The following LDLRAD3 variants were observed in gnomAD, a reference collection of about 807,000 sequenced individuals.
LDLRAD3 encodes the protein low-density lipoprotein receptor class A domain-containing protein 3.
Under a neutral mutation model 29.4 loss-of-function variants are expected in LDLRAD3, and 20 were observed. The ratio of observed to expected loss-of-function variants is 0.68; its 90% CI spans 0.48 to 0.99. LDLRAD3 has a LOEUF of 0.99. LDLRAD3 is among the 50% of genes least tolerant of loss of function. LDLRAD3 has a pLI of 0.00. For missense variants in LDLRAD3, 420 were observed against 454.3 expected (o/e 0.92, Z 0.69); for synonymous variants, 157 against 192.7 (o/e 0.81, Z 1.53).
intron 3 of LDLRAD3, among the ~76,000 whole-genome samples, chr11:36,088,746 G>T (rs188345708): frequency 6.6e-6 from 1 of 152,134 alleles, no homozygotes; most frequent in African/African-American, 2.4e-5. Flanking sequence ...AAGCTGCATC[G>T]TCAAGGTCTC....
intron 4 of LDLRAD3, among the ~76,000 whole-genome samples, chr11:36,225,445 G>T (rs1318498567): frequency 6.6e-6 from 1 of 152,192 alleles, no homozygotes; most frequent in Non-Finnish European, 1.5e-5. Flanking sequence ...GGTGCTTGAA[G>T]TATGGCTCCT....
intron 4 of LDLRAD3, among the ~76,000 whole-genome samples, chr11:36,209,585 A>C (rs1016497168): frequency 1.2e-4 from 18 of 151,928 alleles, no homozygotes; most frequent in African/African-American, 4.3e-4. Context: ...GTCTCGAACT[A>C]CTGACCTCGT....
At chr11:36,223,142 A>G (rs1855451997) in intron 4 of LDLRAD3, among the ~76,000 whole-genome samples, 1 of 152,196 alleles carries the variant, frequency 6.6e-6, no homozygotes, top group Admixed American at 6.5e-5. Context: ...ATGACATTTT[A>G]CACACAGCAA....
intron 4 of LDLRAD3, among the ~76,000 whole-genome samples, chr11:36,132,807 A>T (rs556504860): frequency 6.6e-6 from 1 of 152,344 alleles, no homozygotes; most frequent in Non-Finnish European, 1.5e-5. Flanking sequence ...ACTCATAAGT[A>T]ACGTACTCAT....
At chr11:36,105,405 T>C (rs925385959) in intron 4 of LDLRAD3, among the ~76,000 whole-genome samples, 15 of 152,118 alleles carry the variant, frequency 9.9e-5, no homozygotes, top group African/African-American at 3.1e-4. Context: ...GAAGTGGTCT[T>C]GGCCCCTTGT....
intron 4 of LDLRAD3, among the ~76,000 whole-genome samples, chr11:36,207,118 A>G (rs1855221889): frequency 6.6e-6 from 1 of 152,092 alleles, no homozygotes; most frequent in Non-Finnish European, 1.5e-5. Context: ...TCTCATCTGA[A>G]GTTTCAACTA....
chr11:35,964,084 A>G (rs1025298625), intron 1 of LDLRAD3, among the ~76,000 whole-genome samples: 1 of 152,198 alleles, frequency 6.6e-6, no homozygotes, highest in Non-Finnish European at 1.5e-5. Flanking sequence ...GAGAGAAACT[A>G]TGCAGTGTAT....
intron 3 of LDLRAD3, among the ~76,000 whole-genome samples, chr11:36,085,518 C>A (rs1240532510): frequency 6.6e-6 from 1 of 152,022 alleles, no homozygotes; most frequent in Non-Finnish European, 1.5e-5. Flanking sequence ...AAGTATTATA[C>A]GTTTTCTCCT....
chr11:36,011,672 CAT>C (rs1327579348), intron 1 of LDLRAD3, among the ~76,000 whole-genome samples: 1 of 152,158 alleles, frequency 6.6e-6, no homozygotes, highest in Non-Finnish European at 1.5e-5. Flanking sequence ...ATTTTGGGGA[CAT>C]AGCAGAGGTC....
At position 36,229,502 on chromosome 11, in the gene LDLRAD3, C is replaced by G. The variant is rs531180569; in HGVS notation, c.*105C>G. 61 of 760,274 alleles carry G rather than the reference C, an allele frequency of 8.0e-5. No individual in the cohort carries two copies. Among genetic ancestry groups the G allele is most frequent in the Non-Finnish European group, 1.1e-4 (50 of 455,270 alleles). 47.1% of individuals were successfully genotyped at this position (760,274 alleles called of 1,614,324 possible). ...TCTTTAAGCACCTGTAAGGGTGTCT[C>G]AAGTTACAGTTTGGGATATTAACTA... On this transcript the variant is annotated 3_prime_UTR_variant, in exon 6 of 6. Coordinates refer to ENST00000315571, the MANE Select transcript of LDLRAD3 (RefSeq NM_174902.4).
chr11:35,969,052 G>C (rs1851378990), intron 1 of LDLRAD3, among the ~76,000 whole-genome samples: 1 of 152,144 alleles, frequency 6.6e-6, no homozygotes, highest in South Asian at 2.1e-4. Flanking sequence ...TCCAGCCGTG[G>C]AATCCACATG....
intron 1 of LDLRAD3, among the ~76,000 whole-genome samples, chr11:36,003,539 C>T (rs140675447): frequency 6.6e-6 from 1 of 152,154 alleles, no homozygotes; most frequent in Non-Finnish European, 1.5e-5. Flanking sequence ...TGCTTTTGTC[C>T]CTGTTCTAAA....
At chr11:35,956,800 A>G (rs771976888) in intron 1 of LDLRAD3, among the ~76,000 whole-genome samples, 5 of 152,066 alleles carry the variant, frequency 3.3e-5, no homozygotes, top group Admixed American at 6.5e-5. Context: ...CAGTGGTGCA[A>G]TCTCGGCTCA....
At chr11:36,121,930 G>A (rs1026492120) in intron 4 of LDLRAD3, among the ~76,000 whole-genome samples, 1 of 152,180 alleles carries the variant, frequency 6.6e-6, no homozygotes, top group East Asian at 1.9e-4. Flanking sequence ...GCCAGGCACT[G>A]CTCATTCGTG....
At chr11:36,119,701 T>C (rs1327959265) in intron 4 of LDLRAD3, among the ~76,000 whole-genome samples, 1 of 152,210 alleles carries the variant, frequency 6.6e-6, no homozygotes, top group Admixed American at 6.5e-5. Context: ...ATTGTTGAGT[T>C]GTAAAAGTTC....
At chr11:36,076,710 C>A (rs1321842852) in intron 2 of LDLRAD3, among the ~76,000 whole-genome samples, 1 of 152,172 alleles carries the variant, frequency 6.6e-6, no homozygotes, top group African/African-American at 2.4e-5. Flanking sequence ...TCTTTATTTG[C>A]AACTTCTTTC....
At position 36,123,885 on chromosome 11, in the gene LDLRAD3, C is replaced by T. The variant is rs553340393; in HGVS notation, c.454+25424C>T. 1.1e-4 allele frequency among the ~76,000 whole-genome samples: 17 copies of T among 152,302 alleles called. No homozygotes were observed. In the East Asian group the frequency reaches 1.2e-3, roughly 10 times the overall value. On this transcript the variant is annotated intron_variant, in intron 4 of 5. Transcript: ENST00000315571. ...GGCTGCCTTTTATTGAGTCTGCCTC[C>T]GCCTCATTATTTACATAGACTGTAA...
intron 1 of LDLRAD3, among the ~76,000 whole-genome samples, chr11:35,969,106 G>A (rs1851380442): frequency 6.6e-6 from 1 of 152,138 alleles, no homozygotes; most frequent in Non-Finnish European, 1.5e-5. Context: ...CCGAAGCTCA[G>A]AGAGAGGAAA....
intron 4 of LDLRAD3, among the ~76,000 whole-genome samples, chr11:36,113,925 C>A (rs760923690): frequency 6.6e-6 from 1 of 152,156 alleles, no homozygotes. Context: ...CCACCTGCCT[C>A]GGCCTCCCAA....
Sources: gnomAD v4.1 joint callset for allele counts (sites outside exome capture counted in the v4.1 genomes callset) on GRCh38, gnomAD v4.1.1 for gene constraint, MANE v1.5 for transcripts, NCBI Gene and HGNC (gene_info 2026-07-23, HGNC 2026-07-21) for gene names.